The following TLR5 variants were observed in gnomAD, a reference collection of about 807,000 sequenced individuals.
TLR5 encodes toll-like receptor 5.
For missense variants in TLR5, 944 were observed against 999.8 expected (o/e 0.94, Z 0.75); for synonymous variants, 373 against 384.4 (o/e 0.97, Z 0.35).
At chr1:223,116,594 G>A (rs1243894840) in intron 5 of TLR5, among the ~76,000 whole-genome samples, 4 of 152,140 alleles carry the variant, frequency 2.6e-5, no homozygotes, top group Non-Finnish European at 2.9e-5. Context: ...AAAGACGACC[G>A]CAGTGGGCTG....
At chr1:223,143,059 T>C (rs932614048) in intron 1 of TLR5, 137 bp downstream of exon 1, 2 of 151,972 alleles carry the variant, frequency 1.3e-5, no homozygotes, top group African/African-American at 4.8e-5. Context: ...GAGTTGGACA[T>C]AGACTGGAAA....
intron 5 of TLR5, among the ~76,000 whole-genome samples, chr1:223,114,565 C>T (rs1406386951): frequency 6.6e-6 from 1 of 152,156 alleles, no homozygotes; most frequent in South Asian, 2.1e-4. Flanking sequence ...AAGCCTGGAG[C>T]AGTCACGGTG....
chr1:223,141,822 T>TATATAGAGAGAGAGAGAGAGAG (rs1398290863), intron 1 of TLR5, 59 bp from the exon 2 acceptor site: 1 of 42,982 alleles, frequency 2.3e-5, no homozygotes, highest in African/African-American at 9.4e-5. Context: ...TATATATATA[T>TATATAGAGAGAGAGAGAGAGAG]AGAGAGAGAG....
intron 5 of TLR5, among the ~76,000 whole-genome samples, chr1:223,115,496 C>T (rs34253986): frequency 0.61 from 92,748 of 152,068 alleles, 28,656 homozygotes; most frequent in East Asian, 0.79. Flanking sequence ...AGTGATCCAC[C>T]GGCCTTGGCC....
chr1:223,117,666 G>A (rs1373376288), intron 5 of TLR5, among the ~76,000 whole-genome samples: 2 of 151,990 alleles, frequency 1.3e-5, no homozygotes, highest in South Asian at 2.1e-4. Flanking sequence ...GGATCTGTTC[G>A]AGGACCTTTG....
rs867378260 is a variant in TLR5, at chr1:223,141,759, T to A, written c.-550A>T. Reference sequence around the variant, plus strand: ...CTGCAGTCCAGCCTGGGCGGCAGAGTGAGACTGTCTCAAAAAAAAAATTAC... The same window carrying A: ...CTGCAGTCCAGCCTGGGCGGCAGAGAGAGACTGTCTCAAAAAAAAAATTAC... On this transcript the variant is annotated 5_prime_UTR_variant, in exon 2 of 6. Transcript: ENST00000642603. 8.1e-4 allele frequency: 95 copies of A among 117,852 alleles called. No individual in the cohort carries two copies. Among genetic ancestry groups the A allele is most frequent in the African/African-American group, 3.0e-3 (90 of 30,218 alleles). The allele number at this position is 117,852 out of a possible 1,614,324, so 7.3% of individuals were successfully genotyped here. A position where few individuals can be genotyped will look rare whatever the true frequency, so the allele number is the denominator to read the frequency against.
chr1:223,123,741 G>A (rs1270732722), intron 5 of TLR5: 4 of 152,396 alleles, frequency 2.6e-5, no homozygotes, highest in African/African-American at 7.2e-5. Context: ...TGAGCACTGG[G>A]ATTGGGGAAA....
At chr1:223,119,433 A>G (rs1384548499) in intron 5 of TLR5, among the ~76,000 whole-genome samples, 1 of 152,146 alleles carries the variant, frequency 6.6e-6, no homozygotes, top group East Asian at 1.9e-4. Flanking sequence ...AAAGTGTTAT[A>G]AACCAAAAAT....
rs781569117 is a variant in TLR5, at chr1:223,111,581, A to G, written c.1451T>C (p.Met484Thr). ...SLEQLFLGEN[M>T]LQLAWETELC... is the part of the protein sequence containing the mutation. ...CTCAGTTTCCCAGGCAAGTTGCAAC[A>G]TATTTTCTCCAAGGAAAAGCTGTTC... Residue 484 changes from methionine (M) to threonine (T), a missense_variant, in exon 6 of 6, where the codon ATG (methionine) becomes ACG (threonine). Coordinates refer to ENST00000642603, the MANE Select transcript of TLR5 (RefSeq NM_003268.6). 5 of 1,614,162 alleles carry G rather than the reference A, an allele frequency of 3.1e-6. No individual in the cohort carries two copies. The highest frequency in any genetic ancestry group is 4.2e-6 in the Non-Finnish European group (5 of 1,180,022).
In TLR5 at chr1:223,131,535, C is replaced by T. The variant is rs1379419921; in HGVS notation, c.-5+940G>A. ...CTCTGCCATGAGAATTCTACATGCA[C>T]TTCTCACACTTCTATGTGCACTAGT... On this transcript the variant is annotated intron_variant, in intron 5 of 5. Coordinates refer to ENST00000642603, the MANE Select transcript of TLR5 (RefSeq NM_003268.6). This position sits in a 1 kb window ranked among gnomAD's most constrained non-coding sequence, Gnocchi z 4.2. Among the ~76,000 whole-genome samples the T allele has an allele frequency of 6.6e-6, 1 of 152,188 alleles. No individual in the cohort carries two copies. Among genetic ancestry groups the T allele is most frequent in the Admixed American group, 6.5e-5 (1 of 15,278 alleles).
At chr1:223,139,623 A>AGTGGCTCAG (rs1430118968) in intron 2 of TLR5, among the ~76,000 whole-genome samples, 2 of 152,280 alleles carry the variant, frequency 1.3e-5, no homozygotes, top group South Asian at 2.1e-4. Context: ...CTGGGGCTGC[A>AGTGGCTCAG]GTGGCTCAGA....
At chr1:223,127,767 T>G (rs1657229630) in intron 5 of TLR5, 1 of 152,278 alleles carries the variant, frequency 6.6e-6, no homozygotes. Flanking sequence ...GTATCTGGAA[T>G]TTTTGTTTGT....
chr1:223,123,830 G>A (rs1657044081), intron 5 of TLR5: 1 of 152,222 alleles, frequency 6.6e-6, no homozygotes, highest in Admixed American at 6.5e-5. Context: ...GTTCAAGAAC[G>A]GCGTCCACGC....
intron 5 of TLR5, among the ~76,000 whole-genome samples, chr1:223,117,465 G>C (rs1345867867): frequency 1.3e-5 from 2 of 151,314 alleles, no homozygotes; most frequent in Non-Finnish European, 2.9e-5. Flanking sequence ...GAGTGAGCGA[G>C]GGCTGCCAGC....
Position 223,131,583 on chromosome 1 carries a change from C to T in TLR5, c.-5+892G>A, listed in dbSNP as rs1421880215. Among the ~76,000 whole-genome samples the T allele has an allele frequency of 1.3e-5, 2 of 152,056 alleles. No individual in the cohort carries two copies. The highest frequency in any genetic ancestry group is 4.8e-5 in the African/African-American group (2 of 41,410). On this transcript the variant is annotated intron_variant, in intron 5 of 5. Coordinates refer to ENST00000642603, the MANE Select transcript of TLR5 (RefSeq NM_003268.6). The surrounding 1 kb of genome is among the most constrained non-coding windows in gnomAD (Gnocchi z 4.2). ...AGTTTGTTTTTGTTTTTTTGTTTTGCGGCAAGATCTCGCTCTGTTACCCAG... is the reference window on the plus strand; with the variant it reads ...AGTTTGTTTTTGTTTTTTTGTTTTGTGGCAAGATCTCGCTCTGTTACCCAG...
Position 223,110,692 on chromosome 1 carries a change from T to A in TLR5, c.2340A>T (p.Leu780Phe), listed in dbSNP as rs761321753. Residue 780 changes from leucine (L) to phenylalanine (F), a missense_variant, in exon 6 of 6, where the codon TTA becomes TTT. By Grantham distance (22) the Leu-to-Phe change is conservative (BLOSUM62 0). Transcript: ENST00000642603. ...EAFSYAQGRC[L>F]SDLNSALIMV... ...TGATGAGAGCACTGTTAAGGTCAGA[T>A]AAGCACCTGCCCTGGGCATAACTGA... The A allele has an allele frequency of 1.5e-5, 25 of 1,614,206 alleles. No individual in the cohort carries two copies. The highest frequency in any genetic ancestry group is 2.0e-5 in the Non-Finnish European group (24 of 1,180,034).
At chr1:223,123,011 A>G (rs1324075312) in intron 5 of TLR5, among the ~76,000 whole-genome samples, 2 of 152,222 alleles carry the variant, frequency 1.3e-5, no homozygotes, top group Non-Finnish European at 2.9e-5. Context: ...TCTATTCTAG[A>G]AGAAAAGAGA....
chr1:223,124,894 G>A (rs1657105892), intron 5 of TLR5, among the ~76,000 whole-genome samples: 1 of 152,164 alleles, frequency 6.6e-6, no homozygotes, highest in Non-Finnish European at 1.5e-5. Flanking sequence ...CTGAGCCACC[G>A]CACTCCGCCA....
intron 5 of TLR5, among the ~76,000 whole-genome samples, chr1:223,116,348 C>T (rs1656644913): frequency 6.6e-6 from 1 of 152,156 alleles, no homozygotes; most frequent in Admixed American, 6.5e-5. Context: ...AGGAGTGAAT[C>T]TATAGACCTT....
Sources: allele counts gnomAD v4.1 joint callset (sites outside exome capture counted in the v4.1 genomes callset), GRCh38; gene constraint gnomAD v4.1.1; non-coding constraint Gnocchi (gnomAD v3.1); transcripts MANE v1.5; gene names NCBI Gene and HGNC (gene_info 2026-07-23, HGNC 2026-07-21).